Variants in URB1 observed in about 807,000 individuals in gnomAD.
The protein encoded by URB1 is nucleolar pre-ribosomal-associated protein 1.
URB1 carries 197 observed loss-of-function variants against 242.3 expected under a neutral mutation model. The observed-to-expected ratio is 0.81, with a 90% CI of 0.72 to 0.91. URB1 has a LOEUF of 0.91. Among genes scored for constraint, URB1 ranks in the 40% least tolerant of loss-of-function variants. The pLI, the probability that URB1 is intolerant of heterozygous loss-of-function variation, is 0.00. For synonymous variants in URB1, 1,153 were observed against 1,201.8 expected (o/e 0.96, Z 0.84); for missense variants, 2,721 against 2,860.5 (o/e 0.95, Z 1.11).
chr21:32,388,648 A>C (rs2033608326), intron 1 of URB1, among the ~76,000 whole-genome samples: 1 of 152,224 alleles, frequency 6.6e-6, no homozygotes, highest in East Asian at 1.9e-4. Context: ...CTCAGTCGGC[A>C]CAGGCACCCT....
chr21:32,343,184 GT>G (rs897692482), intron 24 of URB1, among the ~76,000 whole-genome samples: 2 of 148,472 alleles, frequency 1.3e-5, no homozygotes. Context: ...GGTAATGGGA[GT>G]TTTTTTTTTG....
At chr21:32,331,151 C>G (rs1275285408) in intron 30 of URB1, among the ~76,000 whole-genome samples, 1 of 152,170 alleles carries the variant, frequency 6.6e-6, no homozygotes, top group Non-Finnish European at 1.5e-5. Flanking sequence ...ATCACGCGAA[C>G]CAGCACAGAA....
chr21:32,391,856 T>TAA lies in URB1; in HGVS notation c.142+911_142+912dup, dbSNP rs67993951. On this transcript the variant is annotated intron_variant, in intron 1 of 38. Transcript: ENST00000382751. ...AGTGAGATTCCATCTCTACAAAAAGTAAAAAAAAAAAAAAAAACATAGCTG... is the reference window on the plus strand; with the variant it reads ...AGTGAGATTCCATCTCTACAAAAAGTAAAAAAAAAAAAAAAAAAACATAGCTG... Among the ~76,000 whole-genome samples, 789 of 130,270 alleles carry TAA rather than the reference T, an allele frequency of 6.1e-3. 3 individuals carry two copies. The highest frequency in any genetic ancestry group is 0.018 in the South Asian group (75 of 4,058). The allele number at this position is 130,270 out of a possible 152,430, so 85.5% of individuals were successfully genotyped here.
chr21:32,372,451 TG>T, intron 8 of URB1, 55 bp downstream of exon 8: 1 of 1,527,244 alleles, frequency 6.5e-7, no homozygotes. Flanking sequence ...CTCACATATG[TG>T]GTGACTTCTG....
At chr21:32,315,304 T>G (rs544402487) in intron 38 of URB1, among the ~76,000 whole-genome samples, 1 of 129,086 alleles carries the variant, frequency 7.7e-6, no homozygotes, top group Non-Finnish European at 1.7e-5. Context: ...ATTAAAAAGT[T>G]TCTTTTCTTT....
At chr21:32,354,727 T>C (rs2033198986) in intron 17 of URB1, 132 bp downstream of exon 17, 3 of 1,185,380 alleles carry the variant, frequency 2.5e-6, no homozygotes, top group Non-Finnish European at 3.4e-6. Flanking sequence ...CAGAACAGGC[T>C]GGTCTTTGCT....
At chr21:32,326,562 A>G (rs1407151090) in intron 30 of URB1, among the ~76,000 whole-genome samples, 1 of 152,040 alleles carries the variant, frequency 6.6e-6, no homozygotes, top group East Asian at 1.9e-4. Flanking sequence ...ACAAACCCCC[A>G]TGTTGGAGGT....
Position 32,359,773 on chromosome 21 carries a change from A to G in URB1, c.1869+23T>C, listed in dbSNP as rs1159544099. ...GCCCAGCAGGTAAGCTTAGGGCAGA[A>G]GACTGGGAGTTCTGCTTCCTACCTG... On this transcript the variant is annotated intron_variant, in intron 14 of 38. Transcript: ENST00000382751. 1.0e-5 allele frequency: 16 copies of G among 1,528,444 alleles called. No homozygotes were observed. In the East Asian group the frequency reaches 3.7e-4, roughly 35 times the overall value. The allele number at this position is 1,528,444 out of a possible 1,614,324, so 94.7% of individuals were successfully genotyped here.
At chr21:32,358,498 G>A (rs1161179592) in intron 14 of URB1, among the ~76,000 whole-genome samples, 1 of 152,132 alleles carries the variant, frequency 6.6e-6, no homozygotes, top group Non-Finnish European at 1.5e-5. Flanking sequence ...CAAGTACATG[G>A]AGCTCCAGAT....
rs757719593 is a variant in URB1 at position 32,368,474 on chromosome 21, T to C, written c.1126A>G (p.Lys376Glu). 2.6e-6 allele frequency: 4 copies of C among 1,551,896 alleles called. No individual in the cohort carries two copies. The highest frequency in any genetic ancestry group is 3.5e-6 in the Non-Finnish European group (4 of 1,147,042). Reference protein sequence around the residue: ...VCPDLLNKYFKEVTFSFIPRA... With the variant: ...VCPDLLNKYFEEVTFSFIPRA... ...GGGATAAAGGAAAACGTTACTTCCTTGAAGTATTTGTTCAGTAAGTCCGGG... is the reference window on the plus strand; with the variant it reads ...GGGATAAAGGAAAACGTTACTTCCTCGAAGTATTTGTTCAGTAAGTCCGGG... Residue 376 changes from lysine to glutamate, a missense_variant, in exon 9 of 39, where the codon AAG (lysine) becomes GAG (glutamate). Transcript: ENST00000382751.
In URB1 at chr21:32,311,614, C is replaced by T. The variant is rs2032573794; in HGVS notation, c.*3304G>A. On this transcript the variant is annotated 3_prime_UTR_variant, in exon 39 of 39. Coordinates refer to ENST00000382751, the MANE Select transcript of URB1 (RefSeq NM_014825.3). ...CAGATGGCAGGTGTGGCAGGAAACC[C>T]CCCAGCCCCACAGTATGGACTGTTC... is the stretch of plus-strand genomic sequence containing the variant. The T allele has an allele frequency of 1.3e-6, 2 of 1,560,392 alleles. No individual in the cohort carries two copies. The highest frequency in any genetic ancestry group is 1.4e-5 in the African/African-American group (1 of 73,632).
At chr21:32,339,576 C>T (rs535637832) in intron 25 of URB1, among the ~76,000 whole-genome samples, 2 of 151,384 alleles carry the variant, frequency 1.3e-5, no homozygotes, top group East Asian at 3.9e-4. Flanking sequence ...CTGCAAGCTC[C>T]GCCTCCCGGG....
chr21:32,324,471 C>T lies in URB1; in HGVS notation c.5233+20G>A. Reference sequence around the variant, plus strand: ...CTTCAGCTTTTCAATTTCCCCTCAACCTAATTATGTCAGTGGTACCTGGTT... The same window carrying T: ...CTTCAGCTTTTCAATTTCCCCTCAATCTAATTATGTCAGTGGTACCTGGTT... On this transcript the variant is annotated intron_variant, in intron 32 of 38. Transcript: ENST00000382751. The T allele has an allele frequency of 6.5e-7, 1 of 1,539,250 alleles. No individual in the cohort carries two copies. The highest frequency in any genetic ancestry group is 1.7e-4 in the Middle Eastern group (1 of 5,960).
At chr21:32,322,664 T>C in intron 32 of URB1, 80 bp from the exon 33 acceptor site, 2 of 1,014,238 alleles carry the variant, frequency 2.0e-6, no homozygotes, top group African/African-American at 1.6e-5. Flanking sequence ...GAGGCAGGCA[T>C]TCTGGGTATC....
intron 10 of URB1, among the ~76,000 whole-genome samples, chr21:32,366,365 T>C (rs1266744557): frequency 6.6e-6 from 1 of 152,194 alleles, no homozygotes; most frequent in Non-Finnish European, 1.5e-5. Context: ...TGCTGTGTGA[T>C]GGAGCAGGGC....
intron 8 of URB1, among the ~76,000 whole-genome samples, chr21:32,369,441 G>A (rs1461801150): frequency 1.3e-5 from 2 of 152,056 alleles, no homozygotes; most frequent in African/African-American, 2.4e-5. Context: ...CTCTTGAAAG[G>A]GGGATTTGTT....
Position 32,312,247 on chromosome 21 carries a change from A to C in URB1, c.*2671T>G. 1 of 1,418,368 alleles carries C rather than the reference A, an allele frequency of 7.1e-7. No individual in the cohort carries two copies. The highest frequency in any genetic ancestry group is 2.6e-5 in the East Asian group (1 of 38,408). 87.9% of individuals were successfully genotyped at this position (1,418,368 alleles called of 1,614,324 possible). A position where few individuals can be genotyped will look rare whatever the true frequency, so the allele number is the denominator to read the frequency against. ...GCTTGCTTACTGCTTATATTTGCTC[A>C]GGGAAGAGTAGGAAAATAAAATATA... On this transcript the variant is annotated 3_prime_UTR_variant, in exon 39 of 39. Transcript: ENST00000382751.
chr21:32,349,098 A>T (rs2033126319), intron 21 of URB1, among the ~76,000 whole-genome samples: 1 of 152,282 alleles, frequency 6.6e-6, no homozygotes, highest in Non-Finnish European at 1.5e-5. Flanking sequence ...AGGGAGGGTG[A>T]CTGTACACAG....
chr21:32,342,681 G>GC (rs57078035), intron 24 of URB1, among the ~76,000 whole-genome samples: 147,474 of 147,480 alleles, frequency 1, 73,734 homozygotes, highest in Middle Eastern at 1. Flanking sequence ...AACCAGGAAA[G>GC]CCGGAACCCT....
Sources: gnomAD v4.1 joint callset for allele counts (sites outside exome capture counted in the v4.1 genomes callset) on GRCh38, gnomAD v4.1.1 for gene constraint, MANE v1.5 for transcripts, NCBI Gene and HGNC (gene_info 2026-07-23, HGNC 2026-07-21) for gene names.